The following PROCA1 variants were observed in gnomAD, a reference collection of about 807,000 sequenced individuals.
PROCA1 encodes protein PROCA1.
Under a neutral mutation model 23.2 loss-of-function variants are expected in PROCA1, and 22 were observed. That is an observed-to-expected ratio of 0.95 (90% CI 0.68 to 1.35). The LOEUF (loss-of-function observed/expected upper bound fraction) is 1.35, where lower values mean the gene tolerates loss of function less well. PROCA1 is among the 40% of genes most tolerant of loss of function. The probability of loss-of-function intolerance (pLI) is 0.00; values close to 1 mark genes in which losing one functional copy is unlikely to be tolerated. For synonymous variants in PROCA1, 182 were observed against 179.2 expected, an observed-to-expected ratio of 1.02 and a Z score of -0.12; for missense variants, 469 against 459.8, an observed-to-expected ratio of 1.02 and a Z score of -0.18.
chr17:28,711,464 T>C (rs1187735918), intron 1 of PROCA1, 106 bp downstream of exon 1: 6 of 919,186 alleles, frequency 6.5e-6, no homozygotes, highest in African/African-American at 1.7e-5. Flanking sequence ...CCTCTCTCGT[T>C]GGTTTGCCCG....
chr17:28,708,813 T>C (rs2032648712), intron 1 of PROCA1, among the ~76,000 whole-genome samples: 1 of 148,902 alleles, frequency 6.7e-6, no homozygotes, highest in Admixed American at 6.7e-5. Flanking sequence ...CTGGGCAACA[T>C]GGCAAAACCC....
chr17:28,703,835 A>G lies in PROCA1; in HGVS notation c.818T>C (p.Leu273Ser). The change falls in exon 5 of 5, where the codon TTG (leucine) becomes TCG (serine). Residue 273 changes from leucine (L) to serine (S), a missense_variant. Coordinates refer to ENST00000682792, the MANE Select transcript of PROCA1 (RefSeq NM_001366301.1). ...GCTCACGTCTGGCGGGGAAGGCTCC[A>G]ATTTAACCGGGCTTTTCTTCTTAGT... ...QLTKKKSPVK[L>S]EPSPPDVSRS... is the part of the protein sequence containing the mutation. 1 of 1,613,986 alleles carries G rather than the reference A, an allele frequency of 6.2e-7. No individual in the cohort carries two copies. Among genetic ancestry groups the G allele is most frequent in the South Asian group, 1.1e-5 (1 of 91,078 alleles).
intron 3 of PROCA1, 59 bp downstream of exon 3, chr17:28,704,649 C>A (rs769383307): frequency 6.2e-7 from 1 of 1,603,338 alleles, no homozygotes; most frequent in East Asian, 2.2e-5. Flanking sequence ...GAAGGGGAGA[C>A]CACAATGAAA....
intron 3 of PROCA1, 72 bp downstream of exon 3, chr17:28,704,636 G>A (rs772571052): frequency 2.4e-5 from 38 of 1,596,064 alleles, no homozygotes; most frequent in Non-Finnish European, 3.2e-5. Context: ...CAAACCAAAG[G>A]TTGAAGGGGA....
intron 1 of PROCA1, among the ~76,000 whole-genome samples, chr17:28,710,506 C>CAAAAAA (rs71278535): frequency 6.5e-5 from 2 of 30,724 alleles, no homozygotes; most frequent in South Asian, 1.2e-3. Context: ...GATTCCATCT[C>CAAAAAA]AAAAAAAAAA....
chr17:28,705,153 CAATG>C (rs970371266), intron 2 of PROCA1: 3 of 298,746 alleles, frequency 1.0e-5, no homozygotes, highest in African/African-American at 6.6e-5. Context: ...CAGGTGCTGA[CAATG>C]AGTGGCAGCC....
In PROCA1 at chr17:28,709,476, T is replaced by C. The variant is rs374783604; in HGVS notation, c.91+2094A>G. On this transcript the variant is annotated intron_variant, in intron 1 of 4. Coordinates refer to ENST00000682792, the MANE Select transcript of PROCA1 (RefSeq NM_001366301.1). ...TTCACCGTGTTAGCCAGGATGGTCT[T>C]GATCTCCTGACCTCGTGATCCGCCC... Among the ~76,000 whole-genome samples the C allele has an allele frequency of 1.8e-3, 281 of 151,894 alleles. 1 individual carries two copies. The highest frequency in any genetic ancestry group is 3.3e-3 in the Non-Finnish European group (227 of 67,946).
Position 28,703,655 on chromosome 17 carries a change from T to A in PROCA1, c.998A>T (p.Asn333Ile). Reference sequence around the variant, plus strand: ...CCCTGTCTTTTTGGCCTGGACTGTGTTCTCTCTCTTCCTGGGCGATGATGA... The same window carrying A: ...CCCTGTCTTTTTGGCCTGGACTGTGATCTCTCTCTTCCTGGGCGATGATGA... ...VESSSPRKRE[N>I]TVQAKKTGAK... The change falls in exon 5 of 5, where the codon AAC becomes ATC. Residue 333 changes from asparagine (N) to isoleucine (I), a missense_variant. Physicochemically the swap from Asn to Ile is moderately radical, Grantham distance 149. Transcript: ENST00000682792. 6.2e-7 allele frequency: 1 copy of A among 1,614,172 alleles called. No individual in the cohort carries two copies. The highest frequency in any genetic ancestry group is 8.5e-7 in the Non-Finnish European group (1 of 1,180,038).
intron 1 of PROCA1, among the ~76,000 whole-genome samples, chr17:28,710,325 C>T (rs184332638): frequency 2.3e-4 from 35 of 151,510 alleles, no homozygotes; most frequent in African/African-American, 8.5e-4. Flanking sequence ...GGTGAAACCC[C>T]GTCTCTACTA....
intron 1 of PROCA1, chr17:28,711,006 A>AAGGGAGGGAAGGAGGAGGGCGGGG: frequency 9.7e-7 from 1 of 1,027,766 alleles, no homozygotes; most frequent in Non-Finnish European, 1.3e-6. Flanking sequence ...GTAGGGCGGG[A>AAGGGAGGGAAGGAGGAGGGCGGGG]AGGGAGGGAA....
At position 28,711,571 on chromosome 17, in the gene PROCA1, G is replaced by T; in HGVS notation, c.90C>A (p.Arg30=). Residue 30 remains arginine, a splice_region_variant and synonymous_variant, in exon 1 of 5, where the codon CGC becomes CGA. Transcript: ENST00000682792. The part of the protein sequence containing the change: ...KARSWDESRC[R]DVNRLPSWER... The stretch of plus-strand genomic sequence containing the variant: ...CAGCCCCTGCCCCGCCCCTCTTACC[G>T]CGGCATCTGCTCTCATCCCACGAGC... The T allele has an allele frequency of 1.9e-6, 3 of 1,607,710 alleles. No individual in the cohort carries two copies. Among genetic ancestry groups the T allele is most frequent in the Non-Finnish European group, 1.7e-6 (2 of 1,178,060 alleles).
Position 28,703,890 on chromosome 17 carries a change from G to C in PROCA1, c.763C>G (p.Leu255Val). ...DKEEMDEKAK[L>V]KKKAKKGQLT... ...TGGCCTTTCTTGGCTTTTTTCTTCA[G>C]CTTTGCCTTCTCATCCATCTCCTCC... The change falls in exon 5 of 5, where the codon CTG (leucine) becomes GTG (valine). Residue 255 changes from leucine to valine, a missense_variant. Coordinates refer to ENST00000682792, the MANE Select transcript of PROCA1 (RefSeq NM_001366301.1). The C allele has an allele frequency of 6.2e-7, 1 of 1,614,022 alleles. No homozygotes were observed. Among genetic ancestry groups the C allele is most frequent in the Non-Finnish European group, 8.5e-7 (1 of 1,180,014 alleles).
chr17:28,705,162 G>A (rs2032408259), intron 2 of PROCA1: 1 of 285,924 alleles, frequency 3.5e-6, no homozygotes, highest in Non-Finnish European at 6.7e-6. Flanking sequence ...ACAATGAGTG[G>A]CAGCCCTGCT....
Position 28,703,802 on chromosome 17 carries a change from A to AATG in PROCA1, c.848_850dup (p.Ser283dup), listed in dbSNP as rs777493934. 6.2e-7 allele frequency: 1 copy of AATG among 1,614,178 alleles called. No individual in the cohort carries two copies. Among genetic ancestry groups the AATG allele is most frequent in the South Asian group, 1.1e-5 (1 of 91,088 alleles). On this transcript the variant is annotated inframe_insertion, in exon 5 of 5. Coordinates refer to ENST00000682792, the MANE Select transcript of PROCA1 (RefSeq NM_001366301.1). ...CATCCTGGCCAGCTGTCTTGCGCTT[A>AATG]ATGATCGGCTCACGTCTGGCGGGGA...
chr17:28,710,325 C>A lies in PROCA1; in HGVS notation c.91+1245G>T, dbSNP rs184332638. 1.5e-3 allele frequency among the ~76,000 whole-genome samples: 221 copies of A among 151,510 alleles called. 1 individual carries two copies. The highest frequency in any genetic ancestry group is 4.7e-3 in the African/African-American group (193 of 41,200). ...CAGCCTGACCAACATGGTGAAACCC[C>A]GTCTCTACTAAAAATAAAAAAAAAT... On this transcript the variant is annotated intron_variant, in intron 1 of 4. Transcript: ENST00000682792.
At position 28,704,725 on chromosome 17, in the gene PROCA1, G is replaced by A. The variant is rs759599083; in HGVS notation, c.294C>T (p.His98=). 41 of 1,614,166 alleles carry A rather than the reference G, an allele frequency of 2.5e-5. No homozygotes were observed. The highest frequency in any genetic ancestry group is 3.2e-5 in the Non-Finnish European group (38 of 1,179,998). Residue 98 remains histidine, a synonymous_variant, in exon 3 of 5, where the codon CAC becomes CAT. Coordinates refer to ENST00000682792, the MANE Select transcript of PROCA1 (RefSeq NM_001366301.1). ...RHSLHLHSVN[H]CNCNSRLKDS... ...GCCCTCACCTAGAATTACAGTTGCA[G>A]TGGTTGACAGAGTGTAGGTGCAGGC...
At chr17:28,710,208 G>GAC (rs2032713517) in intron 1 of PROCA1, among the ~76,000 whole-genome samples, 1 of 151,740 alleles carries the variant, frequency 6.6e-6, no homozygotes, top group African/African-American at 2.4e-5. Context: ...CCATGAAAGA[G>GAC]ACACACATGG....
intron 1 of PROCA1, among the ~76,000 whole-genome samples, chr17:28,708,768 C>T (rs1228383542): frequency 2.0e-5 from 3 of 147,580 alleles, no homozygotes; most frequent in South Asian, 2.2e-4. Context: ...GAGTCTGAGG[C>T]GGGAAGATCA....
At chr17:28,709,917 A>C (rs1245826054) in intron 1 of PROCA1, among the ~76,000 whole-genome samples, 1 of 151,942 alleles carries the variant, frequency 6.6e-6, no homozygotes, top group African/African-American at 2.4e-5. Context: ...GAATCGCTTG[A>C]ACCCCAGAAG....
Sources: allele counts gnomAD v4.1 joint callset (sites outside exome capture counted in the v4.1 genomes callset), GRCh38; gene constraint gnomAD v4.1.1; transcripts MANE v1.5; gene names NCBI Gene and HGNC (gene_info 2026-07-23, HGNC 2026-07-21).